Variants in IFT81 observed in about 807,000 individuals in gnomAD.
IFT81 encodes the protein intraflagellar transport 81, also known as intraflagellar transport protein 81 homolog.
A neutral mutation model predicts 102.6 loss-of-function variants in IFT81; 72 were observed. The ratio of observed to expected loss-of-function variants is 0.70; its 90% CI spans 0.58 to 0.85. The LOEUF is 0.85. IFT81 is among the 40% of genes least tolerant of loss of function. IFT81 has a pLI of 0.00. For synonymous variants in IFT81, 237 were observed against 242.7 expected (o/e 0.98, Z 0.22); for missense variants, 723 against 787.3 (o/e 0.92, Z 0.98).
At chr12:110,201,580 A>G (rs568215294) in intron 14 of IFT81, among the ~76,000 whole-genome samples, 60 of 152,030 alleles carry the variant, frequency 3.9e-4, no homozygotes, top group African/African-American at 1.4e-3. Context: ...ACAGGCACAT[A>G]CCACCAAGTC....
At position 110,163,075 on chromosome 12, in the gene IFT81, G is replaced by A. The variant is rs1400560123; in HGVS notation, c.1188+10G>A. 6.2e-7 allele frequency: 1 copy of A among 1,611,148 alleles called. No homozygotes were observed. The highest frequency in any genetic ancestry group is 2.2e-5 in the East Asian group (1 of 44,854). ...TTTAAAGGGAGATGAGGTAAGCTGA[G>A]CCATCTCATGGGACAAGGGTATGAG... On this transcript the variant is annotated intron_variant, in intron 11 of 18. Transcript: ENST00000242591.
At chr12:110,174,229 G>A (rs1192483222) in intron 11 of IFT81, among the ~76,000 whole-genome samples, 1 of 125,840 alleles carries the variant, frequency 7.9e-6, no homozygotes, top group South Asian at 2.6e-4. Flanking sequence ...AGTGAGCCAA[G>A]ATCGCGCCAC....
At chr12:110,172,339 C>G (rs1032672274) in intron 11 of IFT81, among the ~76,000 whole-genome samples, 6 of 152,134 alleles carry the variant, frequency 3.9e-5, no homozygotes, top group Admixed American at 3.9e-4. Context: ...TCCTCTGCCT[C>G]TGCCTCTGCC....
At chr12:110,164,349 A>G (rs1896319292) in intron 11 of IFT81, among the ~76,000 whole-genome samples, 1 of 152,226 alleles carries the variant, frequency 6.6e-6, no homozygotes, top group African/African-American at 2.4e-5. Context: ...GGAATGAATG[A>G]ATAAATGAAG....
At chr12:110,217,644 C>T (rs1870308276) in intron 18 of IFT81, among the ~76,000 whole-genome samples, 1 of 151,930 alleles carries the variant, frequency 6.6e-6, no homozygotes. Flanking sequence ...TCACTGCAAA[C>T]TCCGCCTCCC....
At chr12:110,149,701 C>T (rs1420460307) in intron 10 of IFT81, among the ~76,000 whole-genome samples, 2 of 152,224 alleles carry the variant, frequency 1.3e-5, no homozygotes, top group African/African-American at 4.8e-5. Flanking sequence ...TCTTCTCCCA[C>T]TGCCCCATCC....
intron 8 of IFT81, among the ~76,000 whole-genome samples, chr12:110,139,642 C>G (rs895349130): frequency 1.3e-5 from 2 of 150,914 alleles, no homozygotes; most frequent in Non-Finnish European, 2.9e-5. Context: ...GGCATGGTGG[C>G]GGGTGCCTGT....
At chr12:110,162,502 A>C (rs1896193925) in intron 10 of IFT81, 1 of 156,462 alleles carries the variant, frequency 6.4e-6, no homozygotes, top group Non-Finnish European at 1.4e-5. Flanking sequence ...ACACCCAGCT[A>C]ATTTTTGTAT....
intron 18 of IFT81, among the ~76,000 whole-genome samples, chr12:110,209,633 G>C (rs1869145015): frequency 6.6e-6 from 1 of 152,042 alleles, no homozygotes; most frequent in Non-Finnish European, 1.5e-5. Flanking sequence ...GCCAGGCGTG[G>C]TGGCAGGCGC....
At chr12:110,200,466 G>A (rs1257413915) in intron 14 of IFT81, among the ~76,000 whole-genome samples, 1 of 152,092 alleles carries the variant, frequency 6.6e-6, no homozygotes, top group Non-Finnish European at 1.5e-5. Flanking sequence ...TGCTTTATAG[G>A]GAACTTACCA....
intron 8 of IFT81, among the ~76,000 whole-genome samples, chr12:110,139,856 T>TAA (rs1310965945): frequency 4.2e-4 from 51 of 121,098 alleles, no homozygotes; most frequent in African/African-American, 1.4e-3. Context: ...ATAAATAAAA[T>TAA]AAAATAAAAT....
At chr12:110,198,812 C>CTT (rs200267159) in intron 14 of IFT81, among the ~76,000 whole-genome samples, 2 of 141,812 alleles carry the variant, frequency 1.4e-5, no homozygotes, top group African/African-American at 2.6e-5. Flanking sequence ...TTCTTTCTTT[C>CTT]TTTTTTTTTT....
In IFT81 at chr12:110,143,429, G is replaced by T; in HGVS notation, c.829G>T (p.Val277Leu). Residue 277 changes from valine to leucine, a missense_variant, in exon 9 of 19, where the codon GTA (valine) becomes TTA (leucine). Val to Leu is a conservative substitution (Grantham distance 32). Coordinates refer to ENST00000242591, the MANE Select transcript of IFT81 (RefSeq NM_014055.4). ...EEEIKFNLYM[V>L]TEKFPKELEN... ...GGAGATAAAATTTAATTTATATATG[G>T]TAACTGAAAAATTTCCTAAAGAATT... The T allele has an allele frequency of 1.1e-5, 17 of 1,500,084 alleles. No homozygotes were observed. The highest frequency in any genetic ancestry group is 1.5e-5 in the Non-Finnish European group (17 of 1,119,762). 92.9% of individuals were successfully genotyped at this position (1,500,084 alleles called of 1,614,324 possible). A position where few individuals can be genotyped will look rare whatever the true frequency, so the allele number is the denominator to read the frequency against.
At chr12:110,130,138 G>A (rs1317940660) in intron 4 of IFT81, among the ~76,000 whole-genome samples, 1 of 152,088 alleles carries the variant, frequency 6.6e-6, no homozygotes, top group Non-Finnish European at 1.5e-5. Context: ...ACTCAAAATA[G>A]AGTCAATATT....
chr12:110,146,031 C>G (rs1229731975), intron 9 of IFT81, among the ~76,000 whole-genome samples: 1 of 151,768 alleles, frequency 6.6e-6, no homozygotes, highest in East Asian at 1.9e-4. Context: ...AGGCTGGTCT[C>G]GACCTCCTGA....
intron 12 of IFT81, among the ~76,000 whole-genome samples, chr12:110,184,056 A>C (rs960176713): frequency 1.3e-5 from 2 of 152,170 alleles, no homozygotes; most frequent in African/African-American, 4.8e-5. Flanking sequence ...ACTTTGCTTT[A>C]AATTACAAAT....
intron 12 of IFT81, among the ~76,000 whole-genome samples, chr12:110,189,945 T>C (rs913071927): frequency 6.6e-6 from 1 of 152,184 alleles, no homozygotes; most frequent in Non-Finnish European, 1.5e-5. Flanking sequence ...TCATTATTTC[T>C]GTCACCACCA....
intron 12 of IFT81, among the ~76,000 whole-genome samples, chr12:110,181,027 C>T (rs1897300161): frequency 6.6e-6 from 1 of 152,186 alleles, no homozygotes; most frequent in Admixed American, 6.5e-5. Context: ...AAAAGTTAAA[C>T]CCAAAGTAGT....
At chr12:110,142,027 T>G (rs1474883985) in intron 8 of IFT81, among the ~76,000 whole-genome samples, 2 of 152,206 alleles carry the variant, frequency 1.3e-5, no homozygotes, top group African/African-American at 2.4e-5. Flanking sequence ...GTTGTCCAAC[T>G]GCAAAAATAA....
Sources: gnomAD v4.1 joint callset for allele counts (sites outside exome capture counted in the v4.1 genomes callset) on GRCh38, gnomAD v4.1.1 for gene constraint, MANE v1.5 for transcripts, NCBI Gene and HGNC (gene_info 2026-07-23, HGNC 2026-07-21) for gene names.